MTHFD1L: variants seen among roughly 807,000 people sequenced by gnomAD.
The protein encoded by MTHFD1L is monofunctional C1-tetrahydrofolate synthase, mitochondrial.
A neutral mutation model predicts 119.5 loss-of-function variants in MTHFD1L; 81 were observed. The observed-to-expected ratio is 0.68, with a 90% CI of 0.57 to 0.82. The LOEUF is 0.82. Ranked by LOEUF, MTHFD1L falls within the 40% of genes least tolerant of loss-of-function variation. The probability of loss-of-function intolerance (pLI) is 0.00; values close to 1 mark genes in which losing one functional copy is unlikely to be tolerated. For synonymous variants in MTHFD1L, 430 were observed against 475.2 expected (o/e 0.90, Z 1.24); for missense variants, 1,125 against 1,253.4 (o/e 0.90, Z 1.55).
At chr6:150,984,730 C>G (rs911169440) in intron 20 of MTHFD1L, among the ~76,000 whole-genome samples, 1 of 152,040 alleles carries the variant, frequency 6.6e-6, no homozygotes, top group Non-Finnish European at 1.5e-5. Context: ...AAATTAGGAA[C>G]AGAATTTCTT....
chr6:151,081,896 C>T (rs139045594), intron 26 of MTHFD1L, among the ~76,000 whole-genome samples: 2 of 152,064 alleles, frequency 1.3e-5, no homozygotes, highest in Non-Finnish European at 2.9e-5. Context: ...AAAGCACTGT[C>T]CATCCTCCCC....
In MTHFD1L at chr6:150,975,894, G is replaced by A. The variant is rs539802427; in HGVS notation, c.2125+3836G>A. On this transcript the variant is annotated intron_variant, in intron 20 of 27. Transcript: ENST00000367321. ...CACAGACCTCTGACCTCTGGCTGGG[G>A]ACACGCCCTGAGCCTTGCCAACTGG... Among the ~76,000 whole-genome samples the A allele has an allele frequency of 8.5e-5, 13 of 152,262 alleles. No homozygotes were observed. The East Asian group carries it at 2.5e-3, about 29-fold the overall frequency.
intron 10 of MTHFD1L, among the ~76,000 whole-genome samples, chr6:150,924,218 T>C (rs1283211925): frequency 6.6e-6 from 1 of 152,032 alleles, no homozygotes; most frequent in Admixed American, 6.5e-5. Context: ...ACCTTACAGG[T>C]GTTTGTTTTG....
intron 20 of MTHFD1L, among the ~76,000 whole-genome samples, chr6:151,009,447 T>TCGCTTG (rs1781907151): frequency 1.3e-5 from 2 of 151,844 alleles, no homozygotes; most frequent in South Asian, 4.2e-4. Context: ...GTCAGGAGAA[T>TCGCTTG]CGCTTGTGCC....
At chr6:151,086,392 A>G (rs1793809013) in intron 26 of MTHFD1L, among the ~76,000 whole-genome samples, 1 of 152,154 alleles carries the variant, frequency 6.6e-6, no homozygotes, top group East Asian at 1.9e-4. Context: ...CAACATGGCC[A>G]TTTGATATAA....
At chr6:150,973,602 C>A (rs1776095658) in intron 20 of MTHFD1L, among the ~76,000 whole-genome samples, 1 of 152,228 alleles carries the variant, frequency 6.6e-6, no homozygotes, top group Non-Finnish European at 1.5e-5. Flanking sequence ...ACAGAGATCT[C>A]TGCCCATACC....
At chr6:150,871,854 TATTTTATTTTATTTTAATTTA>T (rs1318767324) in intron 1 of MTHFD1L, among the ~76,000 whole-genome samples, 2 of 150,302 alleles carry the variant, frequency 1.3e-5, no homozygotes, top group South Asian at 2.1e-4. Context: ...ATTTTAATTT[TATTTTATTTTATTTTAATTTA>T]ATTTTATTTT....
At chr6:150,923,382 A>C (rs1202503202) in intron 10 of MTHFD1L, among the ~76,000 whole-genome samples, 2 of 152,018 alleles carry the variant, frequency 1.3e-5, no homozygotes, top group African/African-American at 4.8e-5. Flanking sequence ...GTCCCACTCC[A>C]AGGAATTGGC....
chr6:150,992,695 G>A lies in MTHFD1L; in HGVS notation c.2126-17124G>A, dbSNP rs373561486. ...GGATGTCAATGGCCATGTTTAGTGG[G>A]CCAGGGGCCTTACATTACTTTCTTG... On this transcript the variant is annotated intron_variant, in intron 20 of 27. Coordinates refer to ENST00000367321, the MANE Select transcript of MTHFD1L (RefSeq NM_015440.5). 1.5e-4 allele frequency among the ~76,000 whole-genome samples: 23 copies of A among 152,310 alleles called. No homozygotes were observed. The South Asian group carries it at 1.9e-3, about 12-fold the overall frequency.
chr6:151,023,093 C>T (rs1784174538), intron 24 of MTHFD1L, among the ~76,000 whole-genome samples: 1 of 149,730 alleles, frequency 6.7e-6, no homozygotes, highest in Non-Finnish European at 1.5e-5. Flanking sequence ...GTCACCCAGG[C>T]TGGAGTGCAT....
intron 16 of MTHFD1L, 144 bp from the exon 17 acceptor site, chr6:150,955,851 C>G: frequency 1.5e-6 from 1 of 659,796 alleles, no homozygotes; most frequent in Non-Finnish European, 2.7e-6. Flanking sequence ...TTCTCTATGT[C>G]TACCCACTAG....
intron 24 of MTHFD1L, chr6:151,022,277 AGTT>A: frequency 6.4e-6 from 2 of 314,656 alleles, no homozygotes; most frequent in Non-Finnish European, 6.4e-6. Flanking sequence ...AACCTACACC[AGTT>A]GTTGGTGGGG....
chr6:151,038,427 GATGGGA>G (rs900962809), intron 26 of MTHFD1L, among the ~76,000 whole-genome samples: 3 of 152,134 alleles, frequency 2.0e-5, no homozygotes, highest in East Asian at 1.9e-4. Flanking sequence ...GGTGGCTGGG[GATGGGA>G]ATGGGAATGG....
intron 26 of MTHFD1L, chr6:151,041,966 G>GTT: frequency 5.7e-6 from 2 of 351,104 alleles, no homozygotes; most frequent in East Asian, 8.2e-5. Flanking sequence ...ATAGGCCAGG[G>GTT]TTTTTTTTTC....
intron 26 of MTHFD1L, among the ~76,000 whole-genome samples, chr6:151,067,408 C>T (rs1291106268): frequency 6.6e-6 from 1 of 152,102 alleles, no homozygotes; most frequent in Non-Finnish European, 1.5e-5. Context: ...ACTGCAGCTT[C>T]GACCTCCTAC....
chr6:150,897,883 C>T (rs1784502445), intron 7 of MTHFD1L, among the ~76,000 whole-genome samples: 1 of 152,286 alleles, frequency 6.6e-6, no homozygotes, highest in East Asian at 1.9e-4. Flanking sequence ...TTGCTCTTCT[C>T]GCCCAGGCTG....
Position 150,971,986 on chromosome 6 carries a change from A to G in MTHFD1L, c.2053A>G (p.Ile685Val), listed in dbSNP as rs780895264. 1.2e-6 allele frequency: 2 copies of G among 1,613,974 alleles called. No individual in the cohort carries two copies. The part of the protein sequence containing the change: ...VFVHAGPFAN[I>V]AHGNSSVLAD... ...CGTGCATGCGGGCCCTTTTGCTAAC[A>G]TTGCTCACGGCAACTCTTCAGTGTT... Residue 685 changes from isoleucine (I) to valine (V), a missense_variant, in exon 20 of 28, where the codon ATT becomes GTT. Ile to Val is a conservative substitution (Grantham distance 29). Transcript: ENST00000367321.
chr6:151,090,071 C>T (rs1429149571), intron 26 of MTHFD1L, among the ~76,000 whole-genome samples: 1 of 152,166 alleles, frequency 6.6e-6, no homozygotes, highest in African/African-American at 2.4e-5. Flanking sequence ...CAGTCATGTG[C>T]AATTAGCAAG....
At chr6:150,925,496 T>C (rs1239779291) in intron 10 of MTHFD1L, among the ~76,000 whole-genome samples, 1 of 152,162 alleles carries the variant, frequency 6.6e-6, no homozygotes, top group African/African-American at 2.4e-5. Flanking sequence ...GTTCCTACAA[T>C]TTCCTGTCTG....
Sources: allele counts gnomAD v4.1 joint callset (sites outside exome capture counted in the v4.1 genomes callset), GRCh38; gene constraint gnomAD v4.1.1; transcripts MANE v1.5; gene names NCBI Gene and HGNC (gene_info 2026-07-23, HGNC 2026-07-21).